Variants in LRRC37A2 observed in about 807,000 individuals in gnomAD.
LRRC37A2 encodes leucine rich repeat containing 37 member A2.
LRRC37A2 carries 9 observed loss-of-function variants against 68.8 expected under a neutral mutation model. The observed-to-expected ratio is 0.13, with a 90% CI of 0.08 to 0.23. The LOEUF (loss-of-function observed/expected upper bound fraction) is 0.23. LRRC37A2 is among the 10% of genes least tolerant of loss of function. The pLI, the probability that LRRC37A2 is intolerant of heterozygous loss-of-function variation, is 1.00. For missense variants in LRRC37A2, 168 were observed against 950.4 expected (o/e 0.18, Z 10.82); for synonymous variants, 63 against 367.6 (o/e 0.17, Z 9.48).
chr17:47,045,757 AG>A, the LRRC37A2 span, among the ~76,000 whole-genome samples: 1 of 131,284 alleles, frequency 7.6e-6, no homozygotes, highest in Non-Finnish European at 1.6e-5. Context: ...ATCAAAGATC[AG>A]GCACTGCATG....
At chr17:46,541,584 A>G (rs1439377223) in intron 8 of LRRC37A2, among the ~76,000 whole-genome samples, 1 of 151,026 alleles carries the variant, frequency 6.6e-6, no homozygotes, top group East Asian at 1.9e-4. Context: ...AGATTATGCT[A>G]CCATCCATGT....
the LRRC37A2 span, among the ~76,000 whole-genome samples, chr17:46,877,592 C>T: frequency 2.0e-5 from 3 of 152,146 alleles, no homozygotes; most frequent in Non-Finnish European, 4.4e-5. Flanking sequence ...TCACTCCCAG[C>T]GCAGAGGAGG....
chr17:46,769,302 C>T, the LRRC37A2 span, among the ~76,000 whole-genome samples: 3 of 132,546 alleles, frequency 2.3e-5, no homozygotes, highest in Admixed American at 8.5e-5. Context: ...GGCGACTGAG[C>T]GAGACTCCGT....
chr17:46,989,911 C>T, the LRRC37A2 span, among the ~76,000 whole-genome samples: 2 of 152,198 alleles, frequency 1.3e-5, no homozygotes, highest in Non-Finnish European at 2.9e-5. Flanking sequence ...AATGACAGAG[C>T]GAGACCAGCA....
At chr17:46,697,280 C>T in the LRRC37A2 span, among the ~76,000 whole-genome samples, 1 of 125,558 alleles carries the variant, frequency 8.0e-6, no homozygotes, top group Non-Finnish European at 1.6e-5. Context: ...GCACAGTCTT[C>T]GCTCACTGCA....
chr17:46,923,766 T>A, the LRRC37A2 span: 16 of 416,306 alleles, frequency 3.8e-5, no homozygotes, highest in Non-Finnish European at 5.8e-5. Flanking sequence ...AGGTTATCGC[T>A]AAGAAAATCA....
chr17:46,485,977 CAAA>C, the LRRC37A2 span, among the ~76,000 whole-genome samples: 4 of 35,758 alleles, frequency 1.1e-4, no homozygotes, highest in Admixed American at 4.7e-4. Context: ...GACTCCGTCT[CAAA>C]AAAAAAAAAA....
the LRRC37A2 span, among the ~76,000 whole-genome samples, chr17:46,795,653 C>G: frequency 1.3e-5 from 2 of 152,194 alleles, no homozygotes; most frequent in African/African-American, 2.4e-5. Context: ...CAGTGGGTGA[C>G]GACACCAAGC....
At chr17:46,784,984 A>T in the LRRC37A2 span, among the ~76,000 whole-genome samples, 2 of 151,962 alleles carry the variant, frequency 1.3e-5, no homozygotes, top group Non-Finnish European at 2.9e-5. Context: ...TCACTGTGTT[A>T]GCCAGGATGG....
chr17:46,525,614 A>ATC lies in LRRC37A2; in HGVS notation c.2906+1730_2906+1731insTC, dbSNP rs1567941979. On this transcript the variant is annotated intron_variant, in intron 6 of 14. Coordinates refer to ENST00000576629, the Ensembl canonical transcript of LRRC37A2. ...ATAATAATAATAATATAATAATAAT[A>ATC]ATCATCATCATCATCATCATCATCA... Among the ~76,000 whole-genome samples, 80 of 114,502 alleles carry ATC rather than the reference A, an allele frequency of 7.0e-4. 3 individuals carry two copies. The highest frequency in any genetic ancestry group is 2.2e-3 in the African/African-American group (73 of 32,866). The allele number at this position is 114,502 out of a possible 152,430, so 75.1% of individuals were successfully genotyped here.
intron 8 of LRRC37A2, among the ~76,000 whole-genome samples, chr17:46,543,615 G>A (rs2055814230): frequency 1.3e-5 from 2 of 150,728 alleles, no homozygotes; most frequent in Admixed American, 6.6e-5. Flanking sequence ...ATGGTGAAGG[G>A]TCATTATGTC....
At chr17:46,707,580 T>G in the LRRC37A2 span, among the ~76,000 whole-genome samples, 1 of 152,160 alleles carries the variant, frequency 6.6e-6, no homozygotes, top group East Asian at 1.9e-4. Context: ...CATTCTACTG[T>G]CCATCTTTAT....
the LRRC37A2 span, chr17:46,875,262 C>T: frequency 6.2e-7 from 1 of 1,614,210 alleles, no homozygotes; most frequent in South Asian, 1.1e-5. Flanking sequence ...CGGTGACAAC[C>T]TCAAGTACAG....
At chr17:46,850,313 G>C in the LRRC37A2 span, among the ~76,000 whole-genome samples, 1 of 152,216 alleles carries the variant, frequency 6.6e-6, no homozygotes, top group Non-Finnish European at 1.5e-5. Context: ...AGGGCTGGCA[G>C]AGCTGTTAGG....
the LRRC37A2 span, chr17:47,007,844 G>A: frequency 6.6e-6 from 1 of 152,052 alleles, no homozygotes; most frequent in Non-Finnish European, 1.5e-5. Context: ...AGTTACCTTG[G>A]GGAAAACGCC....
At chr17:46,493,278 G>C in the LRRC37A2 span, among the ~76,000 whole-genome samples, 2 of 135,652 alleles carry the variant, frequency 1.5e-5, no homozygotes, top group Non-Finnish European at 3.1e-5. Context: ...CCACCTCTCG[G>C]CCTCCCAAGT....
At chr17:46,936,724 T>C in the LRRC37A2 span, 10 of 984,972 alleles carry the variant, frequency 1.0e-5, no homozygotes, top group Non-Finnish European at 1.2e-5. Context: ...ATAATCTGTG[T>C]GTTCAGAGCC....
the LRRC37A2 span, among the ~76,000 whole-genome samples, chr17:46,681,687 TG>T: frequency 1.2e-5 from 1 of 84,906 alleles, no homozygotes; most frequent in Non-Finnish European, 2.1e-5. Context: ...GTCTGCTTGT[TG>T]GGTCCTTAAT....
chr17:46,927,544 A>G, the LRRC37A2 span, among the ~76,000 whole-genome samples: 2 of 152,144 alleles, frequency 1.3e-5, no homozygotes, highest in Non-Finnish European at 2.9e-5. Context: ...TTGGGTTTTA[A>G]GTGAGCTTGA....
Sources: gnomAD v4.1 joint callset for allele counts (sites outside exome capture counted in the v4.1 genomes callset) on GRCh38, gnomAD v4.1.1 for gene constraint, MANE v1.5 for transcripts, NCBI Gene and HGNC (gene_info 2026-07-23, HGNC 2026-07-21) for gene names.